Variants in NAV3 observed in about 807,000 individuals in gnomAD.
NAV3 encodes pore membrane and/or filament interacting like protein 1.
In NAV3, 87 loss-of-function variants were observed where a neutral mutation model predicts 244.7. The ratio of observed to expected loss-of-function variants is 0.36; its 90% confidence interval spans 0.30 to 0.42. NAV3 has a LOEUF of 0.42. Ranked by LOEUF, NAV3 falls within the 20% of genes least tolerant of loss-of-function variation. NAV3 has a pLI of 1.00. For missense variants in NAV3, 2,663 were observed against 2,893.3 expected (o/e 0.92, Z 1.83); for synonymous variants, 1,126 against 1,042.2 (o/e 1.08, Z -1.55).
At chr12:78,167,673 C>T (rs1380583373) in intron 23 of NAV3, among the ~76,000 whole-genome samples, 1 of 151,158 alleles carries the variant, frequency 6.6e-6, no homozygotes, top group Admixed American at 6.6e-5. Flanking sequence ...AATGAAGAAC[C>T]GAGGCCCGAT....
At chr12:77,726,593 T>C (rs1876889191) in intron 2 of NAV3, among the ~76,000 whole-genome samples, 1 of 151,856 alleles carries the variant, frequency 6.6e-6, no homozygotes, top group African/African-American at 2.4e-5. Flanking sequence ...GGAAAGAATA[T>C]TTCTTCAATG....
chr12:77,872,544 T>A (rs554409301), intron 1 of NAV3, among the ~76,000 whole-genome samples: 1 of 152,286 alleles, frequency 6.6e-6, no homozygotes, highest in African/African-American at 2.4e-5. Flanking sequence ...GGGGAAGTTC[T>A]GGTTGGAGAG....
intron 8 of NAV3, among the ~76,000 whole-genome samples, 175 bp from the exon 9 acceptor site, chr12:78,021,572 G>A (rs962272577): frequency 2.0e-5 from 3 of 152,134 alleles, no homozygotes; most frequent in Admixed American, 6.5e-5. Flanking sequence ...CTTAGGTTGT[G>A]TATGAAAAAT....
At chr12:77,863,061 T>A (rs1879483604) in intron 1 of NAV3, among the ~76,000 whole-genome samples, 2 of 152,052 alleles carry the variant, frequency 1.3e-5, no homozygotes, top group South Asian at 4.1e-4. Context: ...ACTGTATGCA[T>A]ATATTTAAGG....
At chr12:78,177,509 T>C in intron 27 of NAV3, 111 bp from the exon 28 acceptor site, 1 of 1,176,960 alleles carries the variant, frequency 8.5e-7, no homozygotes, top group South Asian at 1.4e-5. Flanking sequence ...CATTTTCATA[T>C]GTTAGAATTC....
At chr12:77,597,331 G>T (rs1316937620) in intron 2 of NAV3, among the ~76,000 whole-genome samples, 7 of 152,056 alleles carry the variant, frequency 4.6e-5, no homozygotes, top group Non-Finnish European at 1.0e-4. Flanking sequence ...GATGTGAAAT[G>T]ACTTGCTTCT....
intron 2 of NAV3, among the ~76,000 whole-genome samples, chr12:77,802,199 G>A (rs1465564002): frequency 6.6e-6 from 1 of 152,120 alleles, no homozygotes; most frequent in Non-Finnish European, 1.5e-5. Context: ...ATATATTTCT[G>A]TTTATATTTT....
At chr12:77,774,494 G>T (rs956124966) in intron 2 of NAV3, among the ~76,000 whole-genome samples, 4 of 152,072 alleles carry the variant, frequency 2.6e-5, no homozygotes, top group Non-Finnish European at 5.9e-5. Flanking sequence ...ATGAGACAGG[G>T]TATACATGGA....
At chr12:77,938,189 C>G (rs1211451078) in intron 1 of NAV3, among the ~76,000 whole-genome samples, 1 of 152,140 alleles carries the variant, frequency 6.6e-6, no homozygotes, top group African/African-American at 2.4e-5. Context: ...CAAAACAATT[C>G]TATCATTTAA....
Position 78,179,657 on chromosome 12 carries a change from T to C in NAV3, c.5492T>C (p.Ile1831Thr). ...AGCTCTGCTCATCATCTTGATCAGA[T>C]CCGGGAAGCCATGAACCGGATGCAG... Reference protein sequence around the residue: ...ALSSAHHLDQIREAMNRMQNE... With the variant: ...ALSSAHHLDQTREAMNRMQNE... Residue 1831 changes from isoleucine (I) to threonine (T), a missense_variant, in exon 29 of 40, where the codon ATC becomes ACC. Physicochemically the swap from Ile to Thr is moderately conservative, Grantham distance 89 (BLOSUM62 -1). This residue lies in a region of NAV3 where 543 missense variants were observed against 672.4 expected (regional missense o/e 0.81). Coordinates refer to ENST00000397909, the MANE Select transcript of NAV3 (RefSeq NM_001024383.2). 1.2e-6 allele frequency: 2 copies of C among 1,612,584 alleles called. No homozygotes were observed. The highest frequency in any genetic ancestry group is 1.7e-6 in the Non-Finnish European group (2 of 1,179,162).
At chr12:78,208,375 T>C (rs1960547793) in intron 39 of NAV3, among the ~76,000 whole-genome samples, 1 of 152,098 alleles carries the variant, frequency 6.6e-6, no homozygotes, top group Non-Finnish European at 1.5e-5. Flanking sequence ...ACTGCCACAA[T>C]GGGGATAAAA....
chr12:77,655,720 C>G (rs1032089847), intron 2 of NAV3, among the ~76,000 whole-genome samples: 4 of 152,074 alleles, frequency 2.6e-5, no homozygotes, highest in Non-Finnish European at 5.9e-5. Flanking sequence ...GGTCGGGTTA[C>G]CCACAAAAGG....
chr12:78,172,066 A>G (rs938892366), intron 24 of NAV3, among the ~76,000 whole-genome samples: 3 of 151,672 alleles, frequency 2.0e-5, no homozygotes, highest in Non-Finnish European at 4.4e-5. Flanking sequence ...CCCTGTGGTC[A>G]TGGAGCTCAC....
At chr12:78,101,691 T>C (rs1954544743) in intron 12 of NAV3, among the ~76,000 whole-genome samples, 1 of 152,130 alleles carries the variant, frequency 6.6e-6, no homozygotes, top group African/African-American at 2.4e-5. Context: ...TAATACAGAA[T>C]TTACACTTCA....
intron 2 of NAV3, among the ~76,000 whole-genome samples, chr12:77,822,111 A>C (rs1872767823): frequency 6.6e-6 from 1 of 152,098 alleles, no homozygotes; most frequent in African/African-American, 2.4e-5. Context: ...TTTTCATTAT[A>C]CTTTATGGTT....
At chr12:78,194,295 C>A (rs149947822) in intron 34 of NAV3, among the ~76,000 whole-genome samples, 267 of 152,178 alleles carry the variant, frequency 1.8e-3, no homozygotes, top group Non-Finnish European at 3.0e-3. Context: ...CCCTCCACCC[C>A]AGATTAACAT....
intron 2 of NAV3, among the ~76,000 whole-genome samples, chr12:77,666,285 T>A (rs796731153): frequency 8.6e-5 from 13 of 151,850 alleles, no homozygotes; most frequent in African/African-American, 2.7e-4. Context: ...TAGATCTTGA[T>A]TTCATTAACT....
At chr12:77,962,297 C>T (rs922853057) in intron 3 of NAV3, among the ~76,000 whole-genome samples, 1 of 152,112 alleles carries the variant, frequency 6.6e-6, no homozygotes, top group Non-Finnish European at 1.5e-5. Flanking sequence ...GATCTCCACC[C>T]CAACCTCTCA....
intron 1 of NAV3, among the ~76,000 whole-genome samples, chr12:77,920,200 A>G (rs749172560): frequency 7.9e-5 from 12 of 152,154 alleles, no homozygotes; most frequent in Non-Finnish European, 1.5e-4. Context: ...AACCTTCTTT[A>G]ATGTGTTGTT....
Sources: allele counts gnomAD v4.1 joint callset (sites outside exome capture counted in the v4.1 genomes callset), GRCh38; gene constraint gnomAD v4.1.1; regional missense constraint gnomAD v4.1.1; transcripts MANE v1.5; gene names NCBI Gene and HGNC (gene_info 2026-07-23, HGNC 2026-07-21).